The following UBE4B variants were observed in gnomAD, a reference collection of about 807,000 sequenced individuals.
UBE4B encodes the protein ubiquitin conjugation factor E4 B.
In UBE4B, 27 loss-of-function variants were observed where a neutral mutation model predicts 148.1. The ratio of observed to expected loss-of-function variants is 0.18; its 90% CI spans 0.13 to 0.25. The LOEUF (loss-of-function observed/expected upper bound fraction) is 0.25. UBE4B is among the 10% of genes least tolerant of loss of function. The pLI, the probability that UBE4B is intolerant of heterozygous loss-of-function variation, is 1.00. For missense variants in UBE4B, 1,170 were observed against 1,662.4 expected, an observed-to-expected ratio of 0.70 and a Z score of 5.15; for synonymous variants, 596 against 619.3, an observed-to-expected ratio of 0.96 and a Z score of 0.56.
chr1:10,036,502 C>CTTT (rs369471209), intron 1 of UBE4B, among the ~76,000 whole-genome samples: 2 of 144,414 alleles, frequency 1.4e-5, no homozygotes, highest in Non-Finnish European at 3.1e-5. Context: ...TTTAAAAAAT[C>CTTT]TTTTTTTTTT....
At chr1:10,035,389 GTTTTTT>G (rs533941719) in intron 1 of UBE4B, among the ~76,000 whole-genome samples, 2 of 65,860 alleles carry the variant, frequency 3.0e-5, no homozygotes, top group South Asian at 6.9e-4. Context: ...CAGAGATACT[GTTTTTT>G]TTTTTTTTTT....
Position 10,168,809 on chromosome 1 carries a change from G to C in UBE4B, c.3333+539G>C, listed in dbSNP as rs551081150. ...CAGGAGGCTGAGGCAGGAGAATGGC[G>C]TGAACCCGGGAGGCAGAGCTGGCAG... On this transcript the variant is annotated intron_variant, in intron 24 of 27. Transcript: ENST00000343090. This position sits in a 1 kb window ranked among gnomAD's most constrained non-coding sequence, Gnocchi z 4.9. Among the ~76,000 whole-genome samples the C allele has an allele frequency of 6.6e-6, 1 of 151,350 alleles. No individual in the cohort carries two copies. Among genetic ancestry groups the C allele is most frequent in the Non-Finnish European group, 1.5e-5 (1 of 67,894 alleles).
chr1:10,044,382 A>G (rs1643873984), intron 1 of UBE4B, among the ~76,000 whole-genome samples: 1 of 151,868 alleles, frequency 6.6e-6, no homozygotes, highest in Non-Finnish European at 1.5e-5. Flanking sequence ...GCCAAACACC[A>G]CCAAGTGAAT....
chr1:10,119,497 C>T lies in UBE4B; in HGVS notation c.1339-16C>T. 6.2e-7 allele frequency: 1 copy of T among 1,612,650 alleles called. No homozygotes were observed. Among genetic ancestry groups the T allele is most frequent in the South Asian group, 1.1e-5 (1 of 91,066 alleles). On this transcript the variant is annotated splice_polypyrimidine_tract_variant and intron_variant, in intron 8 of 27. Transcript: ENST00000343090. ...GTTTGTTTCTTGTCGTCCTCACTTC[C>T]ACCTTTCCTTTTCAGATGTGCAGCC...
At chr1:10,167,256 A>G (rs1039380183) in intron 23 of UBE4B, among the ~76,000 whole-genome samples, 11 of 151,938 alleles carry the variant, frequency 7.2e-5, no homozygotes, top group African/African-American at 1.7e-4. Flanking sequence ...CCTGACCAAC[A>G]TGGAGAAACC....
chr1:10,151,244 T>C, intron 20 of UBE4B, 82 bp from the exon 21 acceptor site: 4 of 1,320,334 alleles, frequency 3.0e-6, no homozygotes, highest in Non-Finnish European at 2.1e-6. Flanking sequence ...CCTCCTCACT[T>C]ACTGACACCA....
rs780953319 is a variant in UBE4B at position 10,171,314 on chromosome 1, C to T, written c.3510C>T (p.Ala1170=). The change falls in exon 25 of 28, where the codon GCC becomes GCT. Residue 1170 remains alanine, a synonymous_variant. Transcript: ENST00000343090. The part of the protein sequence containing the change: ...LQLDCARFAK[A]IADDQRSYSK... ...TGGACTGTGCTCGGTTCGCGAAAGC[C>T]ATTGCTGACGACCAGGTCAGTGAGT... is the stretch of plus-strand genomic sequence containing the variant. 49 of 1,613,492 alleles carry T rather than the reference C, an allele frequency of 3.0e-5. No individual in the cohort carries two copies. Among genetic ancestry groups the T allele is most frequent in the Non-Finnish European group, 4.1e-5 (48 of 1,179,766 alleles).
intron 24 of UBE4B, 46 bp from the exon 25 acceptor site, chr1:10,171,092 C>T (rs746829388): frequency 1.3e-5 from 20 of 1,554,404 alleles, no homozygotes; most frequent in Admixed American, 4.0e-5. Flanking sequence ...GTCCTTTTCA[C>T]TTGTCTCAAC....
chr1:10,092,593 T>A (rs911774539), intron 2 of UBE4B, among the ~76,000 whole-genome samples: 2 of 151,524 alleles, frequency 1.3e-5, no homozygotes, highest in Non-Finnish European at 2.9e-5. Flanking sequence ...TTTGGGAGAC[T>A]GAGGCAGGTG....
chr1:10,054,886 A>G (rs892303589), intron 1 of UBE4B: 1 of 152,616 alleles, frequency 6.6e-6, no homozygotes, highest in African/African-American at 2.4e-5. Flanking sequence ...CCCGGGTTCA[A>G]GCGATTCTCC....
chr1:10,124,427 G>A (rs1360936052), intron 10 of UBE4B, among the ~76,000 whole-genome samples: 3 of 152,100 alleles, frequency 2.0e-5, no homozygotes, highest in African/African-American at 7.2e-5. Context: ...GCCTCAAGTG[G>A]TCCGCCCACC....
At chr1:10,123,427 CAAAAAAAAAAAAAA>C in intron 10 of UBE4B, among the ~76,000 whole-genome samples, 1 of 35,680 alleles carries the variant, frequency 2.8e-5, no homozygotes, top group East Asian at 1.1e-3. Flanking sequence ...AAGACTGTCT[CAAAAAAAAAAAAAA>C]AAAAAAAAAA....
intron 12 of UBE4B, 140 bp from the exon 13 acceptor site, chr1:10,130,360 C>T (rs1398529477): frequency 6.4e-6 from 5 of 782,144 alleles, no homozygotes; most frequent in Middle Eastern, 3.9e-4. Context: ...GGATTACAGG[C>T]GTGAGCCACC....
chr1:10,083,726 G>T (rs1441781238), intron 2 of UBE4B, among the ~76,000 whole-genome samples: 2 of 152,128 alleles, frequency 1.3e-5, no homozygotes, highest in African/African-American at 4.8e-5. Context: ...CCTAGAAGAG[G>T]TTGAAATCCT....
chr1:10,155,638 C>T (rs936440256), intron 21 of UBE4B, among the ~76,000 whole-genome samples: 2 of 152,164 alleles, frequency 1.3e-5, no homozygotes, highest in Non-Finnish European at 2.9e-5. Flanking sequence ...AGATGGGACC[C>T]TCAGATATAA....
chr1:10,083,041 T>C (rs1282368502), intron 2 of UBE4B, among the ~76,000 whole-genome samples: 1 of 152,192 alleles, frequency 6.6e-6, no homozygotes, highest in Non-Finnish European at 1.5e-5. Flanking sequence ...ACCACACTTT[T>C]TTTAATCTAT....
chr1:10,172,650 C>G (rs965090940), intron 25 of UBE4B, among the ~76,000 whole-genome samples: 5 of 152,040 alleles, frequency 3.3e-5, no homozygotes, highest in African/African-American at 1.2e-4. Context: ...GGTTCTTTAC[C>G]CATATCTCAT....
intron 1 of UBE4B, among the ~76,000 whole-genome samples, chr1:10,068,888 T>A (rs1223924374): frequency 6.6e-6 from 1 of 152,218 alleles, no homozygotes; most frequent in African/African-American, 2.4e-5. Context: ...CGCTGCCCCC[T>A]GCATGGCTCT....
intron 14 of UBE4B, 63 bp downstream of exon 14, chr1:10,130,876 T>G: frequency 6.9e-7 from 1 of 1,446,118 alleles, no homozygotes; most frequent in Non-Finnish European, 9.7e-7. Context: ...ACAGAGCTTT[T>G]ATTTTGTAGA....
Sources: allele counts gnomAD v4.1 joint callset (sites outside exome capture counted in the v4.1 genomes callset), GRCh38; gene constraint gnomAD v4.1.1; non-coding constraint Gnocchi (gnomAD v3.1); transcripts MANE v1.5; gene names NCBI Gene and HGNC (gene_info 2026-07-23, HGNC 2026-07-21).